SNTG1: variants seen among roughly 807,000 people sequenced by gnomAD.
SNTG1 encodes syntrophin gamma 1.
In SNTG1, 39 loss-of-function variants were observed where a neutral mutation model predicts 74.7. The ratio of observed to expected loss-of-function variants is 0.52; its 90% CI spans 0.40 to 0.68. The LOEUF (loss-of-function observed/expected upper bound fraction) is 0.68. Ranked by LOEUF, SNTG1 falls within the 30% of genes least tolerant of loss-of-function variation. The pLI is 0.00. For synonymous variants in SNTG1, 254 were observed against 217.1 expected (o/e 1.17, Z -1.49); for missense variants, 685 against 609.5 (o/e 1.12, Z -1.30).
chr8:50,733,748 G>A (rs1166304845), intron 17 of SNTG1, among the ~76,000 whole-genome samples: 2 of 151,690 alleles, frequency 1.3e-5, no homozygotes, highest in South Asian at 2.1e-4. Flanking sequence ...ATGTGTGTTC[G>A]TGTCCTTCGT....
intron 12 of SNTG1, among the ~76,000 whole-genome samples, chr8:50,576,809 T>C (rs1356650034): frequency 6.6e-6 from 1 of 152,158 alleles, no homozygotes. Context: ...GTTGAATCTG[T>C]AATCAGATAG....
chr8:50,137,801 AG>A (rs2081523475), intron 1 of SNTG1, among the ~76,000 whole-genome samples: 1 of 152,130 alleles, frequency 6.6e-6, no homozygotes, highest in African/African-American at 2.4e-5. Context: ...CTGGACACTG[AG>A]GATGGACGAG....
At chr8:50,213,251 G>A (rs947397128) in intron 2 of SNTG1, among the ~76,000 whole-genome samples, 2 of 152,160 alleles carry the variant, frequency 1.3e-5, no homozygotes, top group Non-Finnish European at 2.9e-5. Flanking sequence ...GAATTTCTCA[G>A]TGAAGTATTC....
chr8:50,555,783 T>C (rs1037975217), intron 12 of SNTG1, among the ~76,000 whole-genome samples: 1 of 152,078 alleles, frequency 6.6e-6, no homozygotes, highest in African/African-American at 2.4e-5. Context: ...AAATAATAAG[T>C]TTGACAGTTT....
At chr8:50,558,710 A>G (rs965484787) in intron 12 of SNTG1, among the ~76,000 whole-genome samples, 1 of 152,032 alleles carries the variant, frequency 6.6e-6, no homozygotes. Flanking sequence ...AAGAAACAAA[A>G]CAACTACATG....
chr8:50,590,598 G>A (rs935630687), intron 12 of SNTG1, among the ~76,000 whole-genome samples: 6 of 152,040 alleles, frequency 3.9e-5, no homozygotes, highest in African/African-American at 1.4e-4. Flanking sequence ...TAATCATTTA[G>A]TATTGTTTGA....
chr8:50,326,338 G>A (rs892376903), intron 2 of SNTG1, among the ~76,000 whole-genome samples: 1 of 151,938 alleles, frequency 6.6e-6, no homozygotes, highest in Admixed American at 6.6e-5. Flanking sequence ...TGCTTGGAAA[G>A]GTTATTAATT....
chr8:50,400,257 T>C (rs1238679538), intron 3 of SNTG1, among the ~76,000 whole-genome samples: 2 of 152,218 alleles, frequency 1.3e-5, no homozygotes, highest in East Asian at 3.9e-4. Context: ...TGATATAATA[T>C]GATATTTGTC....
At chr8:50,754,569 C>T (rs746488111) in intron 18 of SNTG1, among the ~76,000 whole-genome samples, 1 of 151,684 alleles carries the variant, frequency 6.6e-6, no homozygotes. Flanking sequence ...TTTTTTGGTG[C>T]CTTGTCTCTG....
intron 15 of SNTG1, among the ~76,000 whole-genome samples, chr8:50,669,576 G>C (rs2095268589): frequency 6.6e-6 from 1 of 152,072 alleles, no homozygotes; most frequent in Non-Finnish European, 1.5e-5. Context: ...AAGAGTCCAG[G>C]ACCAGATGGA....
chr8:50,743,934 AGCAAGCTTGTCACATG>A (rs763527946), intron 17 of SNTG1, among the ~76,000 whole-genome samples: 5 of 151,474 alleles, frequency 3.3e-5, no homozygotes, highest in Non-Finnish European at 7.4e-5. Context: ...ATGAAGTGGA[AGCAAGCTTGTCACATG>A]GCAAAAATAG....
At chr8:50,137,867 C>T (rs2081526311) in intron 1 of SNTG1, among the ~76,000 whole-genome samples, 1 of 152,112 alleles carries the variant, frequency 6.6e-6, no homozygotes, top group African/African-American at 2.4e-5. Flanking sequence ...CAGTGAGTGA[C>T]CAATGGTGAC....
intron 15 of SNTG1, among the ~76,000 whole-genome samples, chr8:50,672,327 C>T (rs1412529898): frequency 6.6e-6 from 1 of 152,058 alleles, no homozygotes; most frequent in Non-Finnish European, 1.5e-5. Context: ...CCTATTTCTC[C>T]ACAGTCTCTC....
chr8:50,181,643 T>C (rs1008790809), intron 2 of SNTG1, among the ~76,000 whole-genome samples: 3 of 152,348 alleles, frequency 2.0e-5, no homozygotes, highest in African/African-American at 7.2e-5. Flanking sequence ...TGATAATATT[T>C]AAGGGATTTC....
rs1554576692 is a variant in SNTG1, at chr8:50,568,227, T to TTG, written c.810+15073_810+15074dup. ...CTGAATAGTATTCCATTGTCCATGT[T>TTG]TGTGTGTGTGTGTGTGTGTGTGTGT... On this transcript the variant is annotated intron_variant, in intron 12 of 18. Coordinates refer to ENST00000642720, the MANE Select transcript of SNTG1 (RefSeq NM_018967.5). Among the ~76,000 whole-genome samples the TTG allele has an allele frequency of 4.4e-3, 637 of 146,390 alleles. 3 individuals are homozygous for TTG. Among genetic ancestry groups the TTG allele is most frequent in the Non-Finnish European group, 6.9e-3 (461 of 66,678 alleles).
At chr8:50,398,153 A>T (rs893316606) in intron 3 of SNTG1, among the ~76,000 whole-genome samples, 1 of 152,300 alleles carries the variant, frequency 6.6e-6, no homozygotes, top group African/African-American at 2.4e-5. Flanking sequence ...TTCTGTCAAC[A>T]ATAAGTGTAT....
chr8:50,308,458 C>A (rs2089984805), intron 2 of SNTG1, among the ~76,000 whole-genome samples: 1 of 151,914 alleles, frequency 6.6e-6, no homozygotes, highest in Admixed American at 6.6e-5. Context: ...ATCTTACCTC[C>A]TTTTGTGTGG....
intron 2 of SNTG1, among the ~76,000 whole-genome samples, chr8:50,220,559 A>G (rs976109466): frequency 6.6e-6 from 1 of 152,128 alleles, no homozygotes; most frequent in Non-Finnish European, 1.5e-5. Context: ...GCTCCAGAAC[A>G]ATAGAGTGGA....
chr8:49,938,603 T>TTTTTTTTCTTTTC lies in SNTG1; in HGVS notation c.-103+26375_-103+26376insTTTTCTTTTCTTT, dbSNP rs1554524905. On this transcript the variant is annotated intron_variant, in intron 1 of 18. Coordinates refer to ENST00000642720, the MANE Select transcript of SNTG1 (RefSeq NM_018967.5). ...TTTTCTTTTCTTTTCTTTTCTTTTC[T>TTTTTTTTCTTTTC]TTTCTTTCTTTCTTTCTTTCTTTCT... 5.4e-4 allele frequency among the ~76,000 whole-genome samples: 40 copies of TTTTTTTTCTTTTC among 74,762 alleles called. 2 individuals carry two copies. Among genetic ancestry groups the TTTTTTTTCTTTTC allele is most frequent in the East Asian group, 2.6e-3 (4 of 1,556 alleles). The allele number at this position is 74,762 out of a possible 152,430, so 49.0% of individuals were successfully genotyped here.
Sources: allele counts gnomAD v4.1 joint callset (sites outside exome capture counted in the v4.1 genomes callset), GRCh38; gene constraint gnomAD v4.1.1; transcripts MANE v1.5; gene names NCBI Gene and HGNC (gene_info 2026-07-23, HGNC 2026-07-21).